MYOM2: variants seen among roughly 807,000 people sequenced by gnomAD.
MYOM2 encodes myomesin 2.
Under a neutral mutation model 187.6 loss-of-function variants are expected in MYOM2, and 254 were observed. The ratio of observed to expected loss-of-function variants is 1.35; its 90% confidence interval spans 1.22 to 1.50. The LOEUF is 1.50. Ranked by LOEUF, MYOM2 falls within the 40% of genes most tolerant of loss-of-function variation. The pLI is 0.00. For synonymous variants in MYOM2, 981 were observed against 753.8 expected (o/e 1.30, Z -4.94); for missense variants, 2,796 against 1,924.0 (o/e 1.45, Z -8.48).
At chr8:2,086,223 T>TG (rs1796037281) in intron 14 of MYOM2, among the ~76,000 whole-genome samples, 3 of 3,326 alleles carry the variant, frequency 9.0e-4, no homozygotes, top group East Asian at 0.029. Context: ...CATGATCTCT[T>TG]TGTGGCCCCC....
chr8:2,088,266 A>C (rs1796164735), intron 14 of MYOM2, among the ~76,000 whole-genome samples: 1 of 152,142 alleles, frequency 6.6e-6, no homozygotes, highest in Non-Finnish European at 1.5e-5. Flanking sequence ...TGCAGCAAAC[A>C]CACATTTTTA....
At chr8:2,069,586 C>CTTTT in intron 8 of MYOM2, 89 bp downstream of exon 8, 2 of 1,201,440 alleles carry the variant, frequency 1.7e-6, no homozygotes, top group Non-Finnish European at 1.2e-6. Context: ...AGGGCCAAAT[C>CTTTT]TTTTTTTTTT....
chr8:2,120,680 T>TATATATATATATATATATATATAATA, intron 28 of MYOM2, among the ~76,000 whole-genome samples: 1 of 48,292 alleles, frequency 2.1e-5, no homozygotes, highest in Non-Finnish European at 4.1e-5. Flanking sequence ...ATATATTATA[T>TATATATATATATATATATATATAATA]TATATATAAA....
intron 8 of MYOM2, 21 bp from the exon 9 acceptor site, chr8:2,072,324 G>C: frequency 6.2e-7 from 1 of 1,605,596 alleles, no homozygotes; most frequent in Non-Finnish European, 8.5e-7. Context: ...GGCCCTGAAA[G>C]CCTCCATCGT....
Position 2,076,275 on chromosome 8 carries a change from G to A in MYOM2, c.1255G>A (p.Val419Met). 1 of 1,613,566 alleles carries A rather than the reference G, an allele frequency of 6.2e-7. No homozygotes were observed. The highest frequency in any genetic ancestry group is 8.5e-7 in the Non-Finnish European group (1 of 1,179,884). ...TTESPVMGYF[V>M]DRCEVGTNNW... ...TGAGAGCCCCGTCATGGGCTATTTTGTGGACCGGTGAGCGTCTTGCATTCT... is the reference window on the plus strand; with the variant it reads ...TGAGAGCCCCGTCATGGGCTATTTTATGGACCGGTGAGCGTCTTGCATTCT... Residue 419 changes from valine to methionine, a missense_variant, in exon 11 of 37, where the codon GTG becomes ATG. Physicochemically the swap from Val to Met is conservative, Grantham distance 21 (BLOSUM62 1). Coordinates refer to ENST00000262113, the MANE Select transcript of MYOM2 (RefSeq NM_003970.4).
At chr8:2,135,517 C>T (rs962111054) in intron 32 of MYOM2, among the ~76,000 whole-genome samples, 5 of 152,142 alleles carry the variant, frequency 3.3e-5, no homozygotes, top group Non-Finnish European at 7.3e-5. Flanking sequence ...TGCTCACCTG[C>T]CCCCGCCCCT....
chr8:2,089,909 G>A, intron 14 of MYOM2, 99 bp from the exon 15 acceptor site: 1 of 1,178,226 alleles, frequency 8.5e-7, no homozygotes, highest in Non-Finnish European at 1.2e-6. Flanking sequence ...GCGCCTGGTG[G>A]TCCTGGGATA....
intron 13 of MYOM2, among the ~76,000 whole-genome samples, chr8:2,083,837 C>T (rs1167698055): frequency 1.3e-5 from 2 of 152,252 alleles, no homozygotes; most frequent in African/African-American, 2.4e-5. Context: ...GGATCCCCTG[C>T]TGACAAAGCT....
chr8:2,101,560 G>T (rs1376299001), intron 20 of MYOM2, among the ~76,000 whole-genome samples: 1 of 152,168 alleles, frequency 6.6e-6, no homozygotes, highest in Non-Finnish European at 1.5e-5. Flanking sequence ...GCAGATGACA[G>T]AACAGTGCCT....
At chr8:2,084,898 A>G (rs1029867772) in intron 13 of MYOM2, 7 of 192,542 alleles carry the variant, frequency 3.6e-5, no homozygotes, top group African/African-American at 1.6e-4. Context: ...TTCAGAAGAC[A>G]GACTGTGAAT....
rs543234974 is a variant in MYOM2, at chr8:2,118,490, C to A, written c.3453+538C>A. On this transcript the variant is annotated intron_variant, in intron 28 of 36. Coordinates refer to ENST00000262113, the MANE Select transcript of MYOM2 (RefSeq NM_003970.4). ...AGATCAATAATGCATTGTTTTTACT[C>A]CCAAACTAGTTTCTTATTGTCTACT... Among the ~76,000 whole-genome samples, 45 of 152,194 alleles carry A rather than the reference C, an allele frequency of 3.0e-4. 1 individual carries two copies. Among genetic ancestry groups the A allele is most frequent in the African/African-American group, 1.1e-3 (45 of 41,518 alleles).
rs1358577953 is a variant in MYOM2, at chr8:2,145,048, C to T, written c.*67C>T. On this transcript the variant is annotated 3_prime_UTR_variant, in exon 37 of 37. Coordinates refer to ENST00000262113, the MANE Select transcript of MYOM2 (RefSeq NM_003970.4). ...GAGACAGGAATGCTGTGTGCTTGTT[C>T]CAAATGAGCAGCTGGCATCCGAGTG... 18 of 1,543,520 alleles carry T rather than the reference C, an allele frequency of 1.2e-5. No individual in the cohort carries two copies. In the South Asian group the frequency reaches 1.9e-4, roughly 16 times the overall value.
Position 2,098,969 on chromosome 8 carries a change from C to T in MYOM2, c.2426C>T (p.Thr809Ile), listed in dbSNP as rs1221779722. ...PSEHFKCEAW[T>I]MPEPGPAYDL... The stretch of plus-strand genomic sequence containing the variant: ...GAGCACTTCAAGTGTGAGGCCTGGA[C>T]CATGCCGGAGCCCGGTGAGTCGCTG... Residue 809 changes from threonine to isoleucine, a missense_variant, in exon 19 of 37, where the codon ACC becomes ATC. Thr to Ile is a moderately conservative substitution (Grantham distance 89). Transcript: ENST00000262113. The T allele has an allele frequency of 6.2e-6, 10 of 1,609,660 alleles. No homozygotes were observed. The highest frequency in any genetic ancestry group is 8.5e-6 in the Non-Finnish European group (10 of 1,177,294).
At chr8:2,051,444 A>G (rs535487337) in intron 2 of MYOM2, among the ~76,000 whole-genome samples, 1 of 152,276 alleles carries the variant, frequency 6.6e-6, no homozygotes, top group Non-Finnish European at 1.5e-5. Context: ...CAAATCTGCA[A>G]TCTTAATGGG....
rs376175215 is a variant in MYOM2, at chr8:2,076,214, C to T, written c.1194C>T (p.Tyr398=). Residue 398 remains tyrosine (Y), a synonymous_variant, in exon 11 of 37, where the codon TAC becomes TAT. Transcript: ENST00000262113. ...AGTGCCACGACGCCAACCGGGACTA[C>T]GTCATCGTGACCTGGAAGCCGCCCA... ...DLQCHDANRD[Y]VIVTWKPPNT... 122 of 1,613,654 alleles carry T rather than the reference C, an allele frequency of 7.6e-5. No individual in the cohort carries two copies. The highest frequency in any genetic ancestry group is 1.7e-4 in the Middle Eastern group (1 of 5,968).
intron 32 of MYOM2, among the ~76,000 whole-genome samples, chr8:2,132,627 C>A: frequency 6.6e-6 from 1 of 152,070 alleles, no homozygotes; most frequent in Non-Finnish European, 1.5e-5. Flanking sequence ...TGCTCTGTCA[C>A]CCGGGCTGGA....
At position 2,090,102 on chromosome 8, in the gene MYOM2, C is replaced by T. The variant is rs752532243; in HGVS notation, c.1739C>T (p.Ser580Phe). The change falls in exon 15 of 37, where the codon TCT becomes TTT. Residue 580 changes from serine (S) to phenylalanine (F), a missense_variant. Physicochemically the swap from Ser to Phe is radical, Grantham distance 155 (BLOSUM62 -2). Transcript: ENST00000262113. Reference sequence around the variant, plus strand: ...GTGTTTGACCTCATGGAAGGGAAGTCTTATGTGTTCCGAGTGCTGTCAGCA... The same window carrying T: ...GTGTTTGACCTCATGGAAGGGAAGTTTTATGTGTTCCGAGTGCTGTCAGCA... ...YAVFDLMEGK[S>F]YVFRVLSANR... 2 of 1,613,920 alleles carry T rather than the reference C, an allele frequency of 1.2e-6. No homozygotes were observed. The highest frequency in any genetic ancestry group is 1.1e-5 in the South Asian group (1 of 91,062).
intron 6 of MYOM2, among the ~76,000 whole-genome samples, chr8:2,066,371 C>T (rs540737790): frequency 1.3e-5 from 2 of 152,346 alleles, no homozygotes; most frequent in Admixed American, 6.5e-5. Flanking sequence ...TCCATATACT[C>T]TGGCATTCGA....
chr8:2,070,813 A>T (rs7823962), intron 8 of MYOM2, among the ~76,000 whole-genome samples: 1 of 152,222 alleles, frequency 6.6e-6, no homozygotes, highest in Non-Finnish European at 1.5e-5. Flanking sequence ...ACATAACACA[A>T]TGTTAACCAT....
Sources: allele counts gnomAD v4.1 joint callset (sites outside exome capture counted in the v4.1 genomes callset), GRCh38; gene constraint gnomAD v4.1.1; transcripts MANE v1.5; gene names NCBI Gene and HGNC (gene_info 2026-07-23, HGNC 2026-07-21).